SMARCC1: variants seen among roughly 807,000 people sequenced by gnomAD.
SMARCC1 encodes SWI/SNF related BAF chromatin remodeling complex subunit C1, also known as SWI/SNF complex subunit SMARCC1.
In SMARCC1, 43 loss-of-function variants were observed where a neutral mutation model predicts 147.4. That is an observed-to-expected ratio of 0.29 (90% CI 0.23 to 0.38). The LOEUF (loss-of-function observed/expected upper bound fraction) is 0.38. SMARCC1 is among the 10% of genes least tolerant of loss of function. The probability of loss-of-function intolerance (pLI) is 1.00; values close to 1 mark genes in which losing one functional copy is unlikely to be tolerated. For missense variants in SMARCC1, 1,119 were observed against 1,381.1 expected (o/e 0.81, Z 3.01); for synonymous variants, 495 against 484.4 (o/e 1.02, Z -0.29).
chr3:47,604,388 C>T (rs1356862643), intron 26 of SMARCC1: 6 of 427,806 alleles, frequency 1.4e-5, no homozygotes, highest in South Asian at 8.5e-5. Flanking sequence ...ATCATAAAGT[C>T]GAGCCAAATA....
intron 2 of SMARCC1, among the ~76,000 whole-genome samples, chr3:47,767,844 G>C (rs2034859371): frequency 6.6e-6 from 1 of 151,064 alleles, no homozygotes; most frequent in African/African-American, 2.4e-5. Flanking sequence ...CTCCAGCCTG[G>C]ACAACGACAA....
intron 14 of SMARCC1, among the ~76,000 whole-genome samples, chr3:47,683,971 G>A (rs938553675): frequency 4.7e-5 from 7 of 147,716 alleles, no homozygotes; most frequent in Non-Finnish European, 7.5e-5. Flanking sequence ...GACAGTACTC[G>A]GCCGGGCGCG....
chr3:47,767,387 T>C (rs1576436350), intron 2 of SMARCC1, among the ~76,000 whole-genome samples: 1 of 146,604 alleles, frequency 6.8e-6, no homozygotes, highest in South Asian at 2.2e-4. Flanking sequence ...ATTACAGGCA[T>C]GTACCACCAC....
intron 2 of SMARCC1, among the ~76,000 whole-genome samples, chr3:47,755,367 G>A (rs2034683311): frequency 6.6e-6 from 1 of 151,018 alleles, no homozygotes; most frequent in Non-Finnish European, 1.5e-5. Context: ...AGGCACGGTG[G>A]CAGCCTGTAG....
chr3:47,628,385 G>A (rs929623560), intron 24 of SMARCC1, among the ~76,000 whole-genome samples: 1 of 152,078 alleles, frequency 6.6e-6, no homozygotes, highest in Admixed American at 6.6e-5. Context: ...CATCATTACT[G>A]AAGCTACAAA....
At chr3:47,592,427 C>G (rs1437080274) in intron 26 of SMARCC1, among the ~76,000 whole-genome samples, 1 of 152,186 alleles carries the variant, frequency 6.6e-6, no homozygotes, top group Non-Finnish European at 1.5e-5. Context: ...CATTATTCTT[C>G]TTTTGATATC....
chr3:47,671,196 A>ACAAC (rs1553681998), intron 18 of SMARCC1, among the ~76,000 whole-genome samples: 1 of 81,144 alleles, frequency 1.2e-5, no homozygotes, highest in African/African-American at 4.0e-5. Flanking sequence ...AAAAAAAAAA[A>ACAAC]AACACACACA....
chr3:47,738,132 A>T, intron 3 of SMARCC1, 22 bp from the exon 4 acceptor site: 1 of 1,516,442 alleles, frequency 6.6e-7, no homozygotes, highest in Non-Finnish European at 8.9e-7. Flanking sequence ...GAAAAACCCT[A>T]GTTAATTTGT....
intron 21 of SMARCC1, among the ~76,000 whole-genome samples, chr3:47,650,936 A>G (rs140836382): frequency 5.8e-4 from 89 of 152,352 alleles, no homozygotes; most frequent in East Asian, 1.9e-3. Context: ...TTATCTGCAT[A>G]ATAAATCAAT....
chr3:47,675,801 C>A (rs936251315), intron 17 of SMARCC1, among the ~76,000 whole-genome samples: 1 of 151,952 alleles, frequency 6.6e-6, no homozygotes, highest in South Asian at 2.1e-4. Context: ...AAAAATTAGC[C>A]GGGCGTGGTG....
Position 47,701,336 on chromosome 3 carries a change from CT to C in SMARCC1, c.1106del (p.Lys369ArgfsTer12). 6.2e-7 allele frequency: 1 copy of C among 1,613,246 alleles called. No homozygotes were observed. The highest frequency in any genetic ancestry group is 8.5e-7 in the Non-Finnish European group (1 of 1,179,232). ...KEEDEQEDLTKDMEDPTPVPN... is the reference protein window; with the variant it reads ...KEEDEQEDLTXDMEDPTPVPN... ...GTACAGGTGTTGGGTCTTCCATATCCTTGGTTAGATCTTCTTGCTCATCTTC... is the reference window on the plus strand; with the variant it reads ...GTACAGGTGTTGGGTCTTCCATATCCTGGTTAGATCTTCTTGCTCATCTTC... On this transcript the variant is annotated frameshift_variant, in exon 11 of 28. Transcript: ENST00000254480. LOFTEE classifies it high-confidence loss of function.
chr3:47,708,410 G>A (rs972053162), intron 9 of SMARCC1, among the ~76,000 whole-genome samples: 19 of 151,926 alleles, frequency 1.3e-4, no homozygotes, highest in Non-Finnish European at 2.6e-4. Context: ...CAAAGTACTG[G>A]AATTACAGGC....
At chr3:47,771,242 TC>T (rs2034911401) in intron 2 of SMARCC1, among the ~76,000 whole-genome samples, 1 of 152,094 alleles carries the variant, frequency 6.6e-6, no homozygotes, top group Non-Finnish European at 1.5e-5. Context: ...ATTTGAAAGA[TC>T]AGTAAGTTGT....
chr3:47,605,059 C>G (rs1457717984), intron 26 of SMARCC1, among the ~76,000 whole-genome samples: 2 of 152,280 alleles, frequency 1.3e-5, no homozygotes, highest in South Asian at 2.1e-4. Flanking sequence ...ATTCAAACTC[C>G]AAAGCAACCC....
At chr3:47,752,474 C>T (rs935446618) in intron 2 of SMARCC1, among the ~76,000 whole-genome samples, 3 of 152,020 alleles carry the variant, frequency 2.0e-5, no homozygotes, top group African/African-American at 7.2e-5. Context: ...CTTGTTAATT[C>T]GTATTGGAAA....
At chr3:47,668,313 C>T (rs1251590368) in intron 19 of SMARCC1, among the ~76,000 whole-genome samples, 2 of 152,148 alleles carry the variant, frequency 1.3e-5, no homozygotes, top group African/African-American at 2.4e-5. Context: ...CAACTGAAGT[C>T]TTATTCAAAC....
chr3:47,632,938 C>T (rs535248917), intron 24 of SMARCC1, among the ~76,000 whole-genome samples: 7 of 147,744 alleles, frequency 4.7e-5, no homozygotes, highest in African/African-American at 1.7e-4. Context: ...GATTTCTGCA[C>T]ATAATGTAGG....
chr3:47,773,008 T>C, intron 1 of SMARCC1, 72 bp from the exon 2 acceptor site: 1 of 1,426,158 alleles, frequency 7.0e-7, no homozygotes, highest in Non-Finnish European at 9.8e-7. Flanking sequence ...TACTTCCTAG[T>C]ACCTACTAAG....
In SMARCC1 at chr3:47,610,156, C is replaced by G; in HGVS notation, c.2953G>C (p.Ala985Pro). The G allele has an allele frequency of 1.2e-6, 2 of 1,614,062 alleles. No homozygotes were observed. The highest frequency in any genetic ancestry group is 1.7e-6 in the Non-Finnish European group (2 of 1,180,026). ...GGPGLAPLGA[A>P]GHPGMMPHQQ... ...TGAGGCATCATGCCAGGGTGCCCTG[C>G]TGCTCCAAGTGGGGCCAGGCCAGGT... The change falls in exon 26 of 28, where the codon GCA becomes CCA. Residue 985 changes from alanine (A) to proline (P), a missense_variant. Transcript: ENST00000254480.
Sources: gnomAD v4.1 joint callset for allele counts (sites outside exome capture counted in the v4.1 genomes callset) on GRCh38, gnomAD v4.1.1 for gene constraint, MANE v1.5 for transcripts, NCBI Gene and HGNC (gene_info 2026-07-23, HGNC 2026-07-21) for gene names.